The following GALNT18 variants were observed in gnomAD, a reference collection of about 807,000 sequenced individuals.
The protein encoded by GALNT18 is GalNAc-transferase 18.
GALNT18 carries 44 observed loss-of-function variants against 69.5 expected under a neutral mutation model. The observed-to-expected ratio is 0.63, with a 90% confidence interval of 0.50 to 0.81. The LOEUF (loss-of-function observed/expected upper bound fraction) is 0.81. Ranked by LOEUF, GALNT18 falls within the 40% of genes least tolerant of loss-of-function variation. The pLI is 0.00. For missense variants in GALNT18, 715 were observed against 810.0 expected, an observed-to-expected ratio of 0.88 and a Z score of 1.42; for synonymous variants, 364 against 318.2, an observed-to-expected ratio of 1.14 and a Z score of -1.53.
In GALNT18 at chr11:11,562,177, C is replaced by T. The variant is rs569012457; in HGVS notation, c.235+59182G>A. ...TTCTCTCACAGTTCTGGGAGCTAGA[C>T]GTCCGCAATCAAGGTGCCAGCAAGA... On this transcript the variant is annotated intron_variant, in intron 1 of 10. Coordinates refer to ENST00000227756, the MANE Select transcript of GALNT18 (RefSeq NM_198516.3). The surrounding 1 kb of genome is among the most constrained non-coding windows in gnomAD (Gnocchi z 4.1). Among the ~76,000 whole-genome samples, 5 of 152,328 alleles carry T rather than the reference C, an allele frequency of 3.3e-5. No homozygotes were observed. The highest frequency in any genetic ancestry group is 2.1e-4 in the South Asian group (1 of 4,826).
rs1347225881 is a variant in GALNT18, at chr11:11,439,465, A to G, written c.429-6678T>C. ...TACATAACCCAGTAGAGAAAGACCAATTCCCTTCCTGGGCTGGAGTCCAGT... is the reference window on the plus strand; with the variant it reads ...TACATAACCCAGTAGAGAAAGACCAGTTCCCTTCCTGGGCTGGAGTCCAGT... On this transcript the variant is annotated intron_variant, in intron 2 of 10. Coordinates refer to ENST00000227756, the MANE Select transcript of GALNT18 (RefSeq NM_198516.3). This position sits in a 1 kb window ranked among gnomAD's most constrained non-coding sequence, Gnocchi z 4.4. Among the ~76,000 whole-genome samples, 1 of 152,204 alleles carries G rather than the reference A, an allele frequency of 6.6e-6. No individual in the cohort carries two copies.
chr11:11,279,762 AG>A (rs1226227097), intron 10 of GALNT18, among the ~76,000 whole-genome samples: 1 of 152,194 alleles, frequency 6.6e-6, no homozygotes, highest in East Asian at 1.9e-4. Context: ...GGTGATGGGC[AG>A]GAAATCACAA....
At position 11,284,908 on chromosome 11, in the gene GALNT18, G is replaced by GTTTTTTTTTTTT. The variant is rs58795517; in HGVS notation, c.1677+8109_1677+8120dup. Among the ~76,000 whole-genome samples the GTTTTTTTTTTTT allele has an allele frequency of 2.2e-3, 183 of 82,788 alleles. 16 individuals are homozygous for GTTTTTTTTTTTT. Among genetic ancestry groups the GTTTTTTTTTTTT allele is most frequent in the South Asian group, 6.1e-3 (14 of 2,306 alleles). 54.3% of individuals were successfully genotyped at this position (82,788 alleles called of 152,430 possible). ...CTGATTTACTAGTAAAGACTTTCGT[G>GTTTTTTTTTTTT]TTTTTTTTTTTTTTTTTTTTTTAAC... On this transcript the variant is annotated intron_variant, in intron 10 of 10. Transcript: ENST00000227756.
rs1850926654 is a variant in GALNT18 at position 11,372,305 on chromosome 11, C to A, written c.1092+210G>T. 6.6e-6 allele frequency among the ~76,000 whole-genome samples: 1 copy of A among 152,196 alleles called. No homozygotes were observed. Among genetic ancestry groups the A allele is most frequent in the Non-Finnish European group, 1.5e-5 (1 of 68,034 alleles). On this transcript the variant is annotated intron_variant, in intron 6 of 10. Coordinates refer to ENST00000227756, the MANE Select transcript of GALNT18 (RefSeq NM_198516.3). This position sits in a 1 kb window ranked among gnomAD's most constrained non-coding sequence, Gnocchi z 4.9. ...CTTAACCTCTCCCATGCTCCCTCCC[C>A]CAGCCAAGCTGGTTCTGAAGTCCTC...
chr11:11,598,231 A>G lies in GALNT18; in HGVS notation c.235+23128T>C, dbSNP rs376683609. Among the ~76,000 whole-genome samples the G allele has an allele frequency of 2.0e-4, 29 of 148,638 alleles. No homozygotes were observed. The East Asian group carries it at 5.2e-3, about 27-fold the overall frequency. ...AATCTATAATAATCTATAACAAATT[A>G]TAACTGTAATCTATAACAAATTATT... On this transcript the variant is annotated intron_variant, in intron 1 of 10. Coordinates refer to ENST00000227756, the MANE Select transcript of GALNT18 (RefSeq NM_198516.3). The surrounding 1 kb of genome is among the most constrained non-coding windows in gnomAD (Gnocchi z 4.8).
intron 1 of GALNT18, among the ~76,000 whole-genome samples, chr11:11,484,877 A>T (rs1379933298): frequency 6.6e-6 from 1 of 152,192 alleles, no homozygotes; most frequent in African/African-American, 2.4e-5. Flanking sequence ...CTAAAAGAAG[A>T]GGCCCCAGGG....
intron 6 of GALNT18, among the ~76,000 whole-genome samples, chr11:11,349,084 G>C (rs896368648): frequency 6.6e-6 from 1 of 152,134 alleles, no homozygotes; most frequent in Non-Finnish European, 1.5e-5. Context: ...TTGCCTGTTT[G>C]TGAACGCTAT....
Position 11,338,434 on chromosome 11 carries a change from G to A in GALNT18, c.1278+2385C>T, listed in dbSNP as rs1461221367. 1.3e-5 allele frequency among the ~76,000 whole-genome samples: 2 copies of A among 152,184 alleles called. No homozygotes were observed. ...ACAGGGCCTGAATGCAGACATGAGGGGAGGTCGGGGTGGGAAGGAGGGCTT... is the reference window on the plus strand; with the variant it reads ...ACAGGGCCTGAATGCAGACATGAGGAGAGGTCGGGGTGGGAAGGAGGGCTT... On this transcript the variant is annotated intron_variant, in intron 7 of 10. Transcript: ENST00000227756. This position sits in a 1 kb window ranked among gnomAD's most constrained non-coding sequence, Gnocchi z 5.3.
intron 10 of GALNT18, among the ~76,000 whole-genome samples, chr11:11,285,428 T>C (rs1037235183): frequency 2.0e-5 from 3 of 152,176 alleles, no homozygotes; most frequent in African/African-American, 7.2e-5. Flanking sequence ...TATAAATGTT[T>C]GAGCAATACA....
chr11:11,473,668 AC>A (rs111588307), intron 1 of GALNT18, among the ~76,000 whole-genome samples: 47,211 of 152,050 alleles, frequency 0.31, 7,877 homozygotes, highest in Middle Eastern at 0.42. Flanking sequence ...GTGTATGCAC[AC>A]AGGGGGAGAG....
At chr11:11,388,522 G>A (rs955410792) in intron 3 of GALNT18, among the ~76,000 whole-genome samples, 1 of 152,158 alleles carries the variant, frequency 6.6e-6, no homozygotes. Flanking sequence ...AAAAAACCTT[G>A]AGTTCTAATG....
At chr11:11,560,661 T>A (rs988665494) in intron 1 of GALNT18, among the ~76,000 whole-genome samples, 2 of 152,098 alleles carry the variant, frequency 1.3e-5, no homozygotes, top group Non-Finnish European at 2.9e-5. Context: ...TTGTGCAGGA[T>A]AAGGAGGGCA....
rs190782127 is a variant in GALNT18, at chr11:11,604,454, C to A, written c.235+16905G>T. Among the ~76,000 whole-genome samples, 4 of 152,094 alleles carry A rather than the reference C, an allele frequency of 2.6e-5. No homozygotes were observed. Among genetic ancestry groups the A allele is most frequent in the South Asian group, 4.2e-4 (2 of 4,802 alleles). On this transcript the variant is annotated intron_variant, in intron 1 of 10. Transcript: ENST00000227756. This position sits in a 1 kb window ranked among gnomAD's most constrained non-coding sequence, Gnocchi z 5.6. ...AGTGGGGAAGGACAGGGTGGACAAGCGATCTACATCCAGCCCTAGACACCC... is the reference window on the plus strand; with the variant it reads ...AGTGGGGAAGGACAGGGTGGACAAGAGATCTACATCCAGCCCTAGACACCC...
chr11:11,433,679 C>A (rs1051171666), intron 2 of GALNT18, among the ~76,000 whole-genome samples: 4 of 152,184 alleles, frequency 2.6e-5, no homozygotes, highest in African/African-American at 9.7e-5. Context: ...AGAGGCCAGA[C>A]GATGAAAAGT....
At position 11,305,313 on chromosome 11, in the gene GALNT18, G is replaced by A. The variant is rs142356757; in HGVS notation, c.1513-12120C>T. Among the ~76,000 whole-genome samples, 161 of 152,308 alleles carry A rather than the reference G, an allele frequency of 1.1e-3. 4 individuals carry two copies. The East Asian group carries it at 0.028, about 26-fold the overall frequency. On this transcript the variant is annotated intron_variant, in intron 9 of 10. Coordinates refer to ENST00000227756, the MANE Select transcript of GALNT18 (RefSeq NM_198516.3). ...ATAAGGTCAGGGAAGAAACAGACAC[G>A]CAGTAGGGCCCAGTAAGCCATTGAG...
chr11:11,271,282 G>C lies in GALNT18; in HGVS notation c.1686C>G (p.Pro562=). 6.2e-7 allele frequency: 1 copy of C among 1,613,820 alleles called. No homozygotes were observed. The highest frequency in any genetic ancestry group is 8.5e-7 in the Non-Finnish European group (1 of 1,179,782). ...KLHWQFSQGG[P]IQNRKSKRCL... ...AGCGCTTAGACTTGCGGTTCTGGAT[G>C]GGTCCTCCCTAGGGGCCAGGGCAGA... The change falls in exon 11 of 11, where the codon CCC becomes CCG. Residue 562 remains proline, a synonymous_variant. Transcript: ENST00000227756.
rs529999247 is a variant in GALNT18 at position 11,443,319 on chromosome 11, C to T, written c.428+5425G>A. On this transcript the variant is annotated intron_variant, in intron 2 of 10. Transcript: ENST00000227756. ...TGTCCCCTCCTCCTACCTCTCCACC[C>T]CTTGGGCAAAGGACTTCTTCAGTCG... is the stretch of plus-strand genomic sequence containing the variant. Among the ~76,000 whole-genome samples the T allele has an allele frequency of 4.6e-5, 7 of 152,256 alleles. No homozygotes were observed. The South Asian group carries it at 1.2e-3, about 27-fold the overall frequency.
intron 10 of GALNT18, among the ~76,000 whole-genome samples, chr11:11,286,424 G>A (rs1297533482): frequency 2.0e-5 from 3 of 152,180 alleles, no homozygotes; most frequent in African/African-American, 7.2e-5. Flanking sequence ...GTAGGAACTG[G>A]GGATTTTCCA....
In GALNT18 at chr11:11,619,008, C is replaced by A. The variant is rs558556842; in HGVS notation, c.235+2351G>T. ...TCTGCCTTCAGAGAGCTGCACTTGA[C>A]CAGCCCCAAATTTTATAGGCCCTTT... On this transcript the variant is annotated intron_variant, in intron 1 of 10. Coordinates refer to ENST00000227756, the MANE Select transcript of GALNT18 (RefSeq NM_198516.3). This position sits in a 1 kb window ranked among gnomAD's most constrained non-coding sequence, Gnocchi z 4.9. Among the ~76,000 whole-genome samples the A allele has an allele frequency of 2.0e-5, 3 of 152,294 alleles. No individual in the cohort carries two copies. The highest frequency in any genetic ancestry group is 7.2e-5 in the African/African-American group (3 of 41,558).
Sources: gnomAD v4.1 joint callset for allele counts (sites outside exome capture counted in the v4.1 genomes callset) on GRCh38, gnomAD v4.1.1 for gene constraint, Gnocchi (gnomAD v3.1) non-coding constraint, MANE v1.5 for transcripts, NCBI Gene and HGNC (gene_info 2026-07-23, HGNC 2026-07-21) for gene names.